Variants in L3MBTL4 observed in about 807,000 individuals in gnomAD.
L3MBTL4 encodes the protein L3MBTL histone methyl-lysine binding protein 4, also known as lethal(3)malignant brain tumor-like protein 4.
In L3MBTL4, 70 loss-of-function variants were observed where a neutral mutation model predicts 84.5. The ratio of observed to expected loss-of-function variants is 0.83; its 90% CI spans 0.68 to 1.01. The LOEUF (loss-of-function observed/expected upper bound fraction) is 1.01, where lower values mean the gene tolerates loss of function less well. L3MBTL4 is among the 50% of genes least tolerant of loss of function. The probability of loss-of-function intolerance (pLI) is 0.00; values close to 1 mark genes in which losing one functional copy is unlikely to be tolerated. For missense variants in L3MBTL4, 715 were observed against 754.8 expected (o/e 0.95, Z 0.62); for synonymous variants, 274 against 259.8 (o/e 1.05, Z -0.52).
intron 11 of L3MBTL4, among the ~76,000 whole-genome samples, chr18:6,214,429 T>C (rs966321414): frequency 3.3e-5 from 5 of 152,226 alleles, no homozygotes; most frequent in Admixed American, 6.5e-5. Context: ...TTTCTATAGG[T>C]TGGCAAAAAG....
chr18:6,330,240 A>C (rs527903864), intron 1 of L3MBTL4, among the ~76,000 whole-genome samples: 1 of 152,362 alleles, frequency 6.6e-6, no homozygotes, highest in African/African-American at 2.4e-5. Flanking sequence ...CTGCTGTAAC[A>C]ATTTACCCCA....
At chr18:6,224,167 A>G (rs1025686458) in intron 10 of L3MBTL4, among the ~76,000 whole-genome samples, 1 of 152,266 alleles carries the variant, frequency 6.6e-6, no homozygotes, top group African/African-American at 2.4e-5. Context: ...GCGAACAGGT[A>G]AAAAGCCAAA....
At chr18:6,215,196 A>G (rs746139885) in intron 11 of L3MBTL4, among the ~76,000 whole-genome samples, 62 of 152,226 alleles carry the variant, frequency 4.1e-4, no homozygotes, top group Non-Finnish European at 7.5e-4. Flanking sequence ...GGTTTAGGAT[A>G]TAAATATCTT....
At chr18:6,379,670 C>G (rs1211822523) in intron 1 of L3MBTL4, among the ~76,000 whole-genome samples, 1 of 152,162 alleles carries the variant, frequency 6.6e-6, no homozygotes, top group African/African-American at 2.4e-5. Context: ...ATGAAGCCGA[C>G]TTGATCGTGG....
chr18:6,117,419 G>A (rs951509852), intron 14 of L3MBTL4, among the ~76,000 whole-genome samples: 1 of 152,284 alleles, frequency 6.6e-6, no homozygotes, highest in Non-Finnish European at 1.5e-5. Flanking sequence ...ACCTCCCAGA[G>A]AGAGCTGAGG....
intron 10 of L3MBTL4, among the ~76,000 whole-genome samples, chr18:6,217,406 C>T (rs527298829): frequency 6.6e-6 from 1 of 152,192 alleles, no homozygotes; most frequent in Non-Finnish European, 1.5e-5. Flanking sequence ...TGGTGAACAT[C>T]TTTTGCTCTG....
intron 16 of L3MBTL4, among the ~76,000 whole-genome samples, chr18:5,994,159 C>T (rs748336207): frequency 6.6e-6 from 1 of 152,180 alleles, no homozygotes; most frequent in South Asian, 2.1e-4. Flanking sequence ...AGCCCTCCTC[C>T]GGAAAGCCTA....
At chr18:6,214,109 T>C (rs1599176402) in intron 11 of L3MBTL4, among the ~76,000 whole-genome samples, 2 of 152,354 alleles carry the variant, frequency 1.3e-5, no homozygotes, top group African/African-American at 2.4e-5. Flanking sequence ...AAAAGCATAC[T>C]ATGATGTACT....
At chr18:6,139,376 C>T (rs556850942) in intron 13 of L3MBTL4, among the ~76,000 whole-genome samples, 1 of 152,180 alleles carries the variant, frequency 6.6e-6, no homozygotes, top group Admixed American at 6.5e-5. Flanking sequence ...TGTACTCTAA[C>T]CATGCCAAGC....
chr18:6,124,476 T>G (rs1477000849), intron 14 of L3MBTL4, among the ~76,000 whole-genome samples: 14 of 149,672 alleles, frequency 9.4e-5, no homozygotes, highest in Non-Finnish European at 1.5e-4. Context: ...CAATTATATA[T>G]ACACACCAAT....
intron 1 of L3MBTL4, among the ~76,000 whole-genome samples, chr18:6,394,563 C>T (rs341226): frequency 0.52 from 78,288 of 151,700 alleles, 20,224 homozygotes; most frequent in East Asian, 0.59. Flanking sequence ...CACCAGGACA[C>T]AAGCTTCACA....
intron 14 of L3MBTL4, among the ~76,000 whole-genome samples, chr18:6,116,295 C>T (rs760389456): frequency 9.9e-5 from 15 of 150,782 alleles, no homozygotes; most frequent in South Asian, 2.1e-4. Flanking sequence ...GGCATGGGAA[C>T]GGGAGGACAG....
intron 5 of L3MBTL4, among the ~76,000 whole-genome samples, chr18:6,255,536 C>A (rs2048100222): frequency 1.3e-5 from 2 of 152,192 alleles, no homozygotes; most frequent in African/African-American, 4.8e-5. Flanking sequence ...GGAATTCTTT[C>A]TGCCCTTCAG....
chr18:5,982,987 G>T (rs1243641656), intron 16 of L3MBTL4, among the ~76,000 whole-genome samples: 1 of 152,166 alleles, frequency 6.6e-6, no homozygotes, highest in Non-Finnish European at 1.5e-5. Flanking sequence ...CCGGCTGAAG[G>T]CTTCATCACC....
At chr18:6,089,799 T>C (rs778277226) in intron 15 of L3MBTL4, among the ~76,000 whole-genome samples, 2 of 152,254 alleles carry the variant, frequency 1.3e-5, no homozygotes, top group African/African-American at 2.4e-5. Context: ...TAGATAGTTA[T>C]TATCATTGAT....
chr18:6,070,782 G>A (rs1211771796), intron 16 of L3MBTL4, among the ~76,000 whole-genome samples: 1 of 152,150 alleles, frequency 6.6e-6, no homozygotes, highest in Non-Finnish European at 1.5e-5. Context: ...AGGCTGCATT[G>A]AGCTGTGATC....
intron 1 of L3MBTL4, among the ~76,000 whole-genome samples, chr18:6,408,037 G>C (rs1188864508): frequency 6.6e-6 from 1 of 152,106 alleles, no homozygotes; most frequent in Non-Finnish European, 1.5e-5. Flanking sequence ...CACACAAAAA[G>C]GAGGGTGTCC....
chr18:6,403,254 G>C (rs139489911), intron 1 of L3MBTL4, among the ~76,000 whole-genome samples: 1 of 152,102 alleles, frequency 6.6e-6, no homozygotes, highest in African/African-American at 2.4e-5. Flanking sequence ...ACTAATTCCT[G>C]TCTCTCCCAG....
At chr18:6,022,792 T>G (rs900216179) in intron 16 of L3MBTL4, among the ~76,000 whole-genome samples, 1 of 152,224 alleles carries the variant, frequency 6.6e-6, no homozygotes, top group African/African-American at 2.4e-5. Flanking sequence ...TCAAAATGTT[T>G]TCTCTTTTTT....
Sources: allele counts gnomAD v4.1 joint callset (sites outside exome capture counted in the v4.1 genomes callset), GRCh38; gene constraint gnomAD v4.1.1; transcripts MANE v1.5; gene names NCBI Gene and HGNC (gene_info 2026-07-23, HGNC 2026-07-21).